The following MAP2K1 variants were observed in gnomAD, a reference collection of about 807,000 sequenced individuals.
MAP2K1 encodes the protein mitogen-activated protein kinase kinase 1.
MAP2K1 carries 16 observed loss-of-function variants against 46.3 expected under a neutral mutation model. The ratio of observed to expected loss-of-function variants is 0.35; its 90% CI spans 0.23 to 0.52. MAP2K1 has a LOEUF of 0.52. Ranked by LOEUF, MAP2K1 falls within the 20% of genes least tolerant of loss-of-function variation. The probability of loss-of-function intolerance (pLI) is 0.94; values close to 1 mark genes in which losing one functional copy is unlikely to be tolerated. For synonymous variants in MAP2K1, 183 were observed against 185.6 expected (o/e 0.99, Z 0.11); for missense variants, 263 against 497.1 (o/e 0.53, Z 4.48).
chr15:66,431,394 G>A (rs1161608940), intron 1 of MAP2K1, among the ~76,000 whole-genome samples: 5 of 152,020 alleles, frequency 3.3e-5, no homozygotes, highest in Non-Finnish European at 5.9e-5. Context: ...AGTACTGAAA[G>A]CCACTACAGG....
chr15:66,413,906 T>A (rs1334790232), intron 1 of MAP2K1, among the ~76,000 whole-genome samples: 2 of 61,730 alleles, frequency 3.2e-5, no homozygotes, highest in Non-Finnish European at 6.6e-5. Flanking sequence ...TTTTTTCTTC[T>A]TCTTCTTTTT....
chr15:66,388,928 C>T (rs1279355359), intron 1 of MAP2K1, among the ~76,000 whole-genome samples: 103 of 87,484 alleles, frequency 1.2e-3, no homozygotes, highest in African/African-American at 4.2e-3. Context: ...TTTTTTGAGT[C>T]GGAGTTTCAC....
chr15:66,489,584 T>C, intron 9 of MAP2K1, 134 bp from the exon 10 acceptor site: 1 of 807,976 alleles, frequency 1.2e-6, no homozygotes, highest in South Asian at 1.3e-5. Flanking sequence ...GATACTGTGC[T>C]TAGAACAGGA....
chr15:66,427,172 A>G (rs2093461403), intron 1 of MAP2K1, among the ~76,000 whole-genome samples: 1 of 152,252 alleles, frequency 6.6e-6, no homozygotes, highest in Non-Finnish European at 1.5e-5. Context: ...TAGAAATTAA[A>G]TGAGAGTGAA....
At chr15:66,404,522 G>T (rs1170822579) in intron 1 of MAP2K1, among the ~76,000 whole-genome samples, 1 of 152,176 alleles carries the variant, frequency 6.6e-6, no homozygotes, top group South Asian at 2.1e-4. Flanking sequence ...AGCCATAAAG[G>T]TAGCTTGCTG....
At chr15:66,426,400 G>A (rs1004459432) in intron 1 of MAP2K1, among the ~76,000 whole-genome samples, 4 of 148,870 alleles carry the variant, frequency 2.7e-5, no homozygotes, top group African/African-American at 7.4e-5. Context: ...GGCATAAGTC[G>A]CAACAAGAAA....
chr15:66,445,663 A>G (rs1353574584), intron 5 of MAP2K1, among the ~76,000 whole-genome samples: 2 of 152,238 alleles, frequency 1.3e-5, no homozygotes, highest in Non-Finnish European at 2.9e-5. Context: ...AAGACTACTG[A>G]TAACACCTAA....
rs997543519 is a variant in MAP2K1, at chr15:66,465,337, T to C, written c.569-16418T>C. ...TGTCCCTTTTAAGGGCTCACAACTC[T>C]AAGGGGGTCCACGTGAGAGGGTTGT... On this transcript the variant is annotated intron_variant, in intron 5 of 10. Coordinates refer to ENST00000307102, the MANE Select transcript of MAP2K1 (RefSeq NM_002755.4). 3.3e-5 allele frequency among the ~76,000 whole-genome samples: 5 copies of C among 152,212 alleles called. No homozygotes were observed. In the South Asian group the frequency reaches 1.0e-3, roughly 32 times the overall value.
In MAP2K1 at chr15:66,386,953, G is replaced by A. The variant is rs1325892335; in HGVS notation, c.-395G>A. ...GCTTCGCAGAGCGGCTAGGAGCACG[G>A]CGGCGGCGGCACTTTCCCCGGCAGG... is the stretch of plus-strand genomic sequence containing the variant. On this transcript the variant is annotated 5_prime_UTR_variant, in exon 1 of 11. Coordinates refer to ENST00000307102, the MANE Select transcript of MAP2K1 (RefSeq NM_002755.4). 1 of 256,506 alleles carries A rather than the reference G, an allele frequency of 3.9e-6. No individual in the cohort carries two copies. The highest frequency in any genetic ancestry group is 2.2e-5 in the African/African-American group (1 of 45,892). 15.9% of individuals were successfully genotyped at this position (256,506 alleles called of 1,614,324 possible).
At chr15:66,396,059 T>C (rs1474902461) in intron 1 of MAP2K1, among the ~76,000 whole-genome samples, 1 of 152,002 alleles carries the variant, frequency 6.6e-6, no homozygotes, top group East Asian at 1.9e-4. Flanking sequence ...CAGACTGGAG[T>C]GCAGTGGCGC....
rs578033975 is a variant in MAP2K1 at position 66,438,243 on chromosome 15, C to T, written c.438+1351C>T. 1.4e-3 allele frequency among the ~76,000 whole-genome samples: 213 copies of T among 151,810 alleles called. 1 individual carries two copies. Among genetic ancestry groups the T allele is most frequent in the African/African-American group, 5.0e-3 (209 of 41,420 alleles). ...CTGGGATTACAGGTGCGCACCACCA[C>T]GCCCCGCTAATTTTTTTCTATCATT... is the stretch of plus-strand genomic sequence containing the variant. On this transcript the variant is annotated intron_variant, in intron 3 of 10. Coordinates refer to ENST00000307102, the MANE Select transcript of MAP2K1 (RefSeq NM_002755.4).
chr15:66,471,994 T>C (rs1595880439), intron 5 of MAP2K1, among the ~76,000 whole-genome samples: 1 of 141,886 alleles, frequency 7.0e-6, no homozygotes, highest in South Asian at 2.2e-4. Flanking sequence ...GGAGAATCGG[T>C]TGAACCGGGG....
intron 1 of MAP2K1, among the ~76,000 whole-genome samples, chr15:66,399,289 T>C (rs1285643514): frequency 6.6e-6 from 1 of 152,240 alleles, no homozygotes. Context: ...GAAAAAAATT[T>C]GTAATACATT....
At chr15:66,425,490 T>C (rs2093455814) in intron 1 of MAP2K1, among the ~76,000 whole-genome samples, 1 of 152,168 alleles carries the variant, frequency 6.6e-6, no homozygotes, top group Non-Finnish European at 1.5e-5. Context: ...AAAAGTCTCA[T>C]AGTCATTGTT....
intron 1 of MAP2K1, among the ~76,000 whole-genome samples, chr15:66,421,904 C>A (rs1351738057): frequency 8.4e-5 from 12 of 142,996 alleles, no homozygotes; most frequent in African/African-American, 3.1e-4. Context: ...TTTGCTATCT[C>A]ATTATTTTAT....
At chr15:66,440,785 G>A (rs2093501582) in intron 3 of MAP2K1, among the ~76,000 whole-genome samples, 1 of 152,192 alleles carries the variant, frequency 6.6e-6, no homozygotes, top group Non-Finnish European at 1.5e-5. Flanking sequence ...CTTAAGGCAA[G>A]GACTTGGCAA....
chr15:66,388,351 A>T (rs984459721), intron 1 of MAP2K1, among the ~76,000 whole-genome samples: 2 of 152,146 alleles, frequency 1.3e-5, no homozygotes, highest in African/African-American at 4.8e-5. Flanking sequence ...TAGCCAGAAA[A>T]GATTAGGTTA....
At chr15:66,415,035 C>G (rs1359717914) in intron 1 of MAP2K1, 2 of 484,228 alleles carry the variant, frequency 4.1e-6, no homozygotes, top group African/African-American at 3.9e-5. Context: ...CTGAGATGCT[C>G]CCCTTCTTCA....
intron 5 of MAP2K1, among the ~76,000 whole-genome samples, chr15:66,477,562 T>C (rs1472241812): frequency 2.0e-5 from 3 of 152,254 alleles, no homozygotes; most frequent in Non-Finnish European, 4.4e-5. Context: ...TGGCAAACCA[T>C]GGCCCAGAAA....
Sources: allele counts gnomAD v4.1 joint callset (sites outside exome capture counted in the v4.1 genomes callset), GRCh38; gene constraint gnomAD v4.1.1; transcripts MANE v1.5; gene names NCBI Gene and HGNC (gene_info 2026-07-23, HGNC 2026-07-21).